The following ANKRD11 variants were observed in gnomAD, a reference collection of about 807,000 sequenced individuals.
ANKRD11 encodes ankyrin repeat domain-containing protein 11.
Under a neutral mutation model 195.7 loss-of-function variants are expected in ANKRD11, and 17 were observed. The observed-to-expected ratio is 0.09, with a 90% CI of 0.06 to 0.13. The LOEUF (loss-of-function observed/expected upper bound fraction) is 0.13. ANKRD11 is among the 10% of genes least tolerant of loss of function. The probability of loss-of-function intolerance (pLI) is 1.00; values close to 1 mark genes in which losing one functional copy is unlikely to be tolerated. For synonymous variants in ANKRD11, 1,953 were observed against 1,528.1 expected, an observed-to-expected ratio of 1.28 and a Z score of -6.49; for missense variants, 3,735 against 3,566.1, an observed-to-expected ratio of 1.05 and a Z score of -1.21.
intron 1 of ANKRD11, among the ~76,000 whole-genome samples, chr16:89,465,202 C>G (rs762903564): frequency 6.6e-6 from 1 of 152,088 alleles, no homozygotes; most frequent in Non-Finnish European, 1.5e-5. Context: ...TGGCCCTTGA[C>G]AGAAAAACTG....
At chr16:89,385,637 C>A (rs903530696) in intron 2 of ANKRD11, among the ~76,000 whole-genome samples, 1 of 152,242 alleles carries the variant, frequency 6.6e-6, no homozygotes, top group Non-Finnish European at 1.5e-5. Context: ...GATGCATTTC[C>A]ACATTTCACT....
At chr16:89,445,019 G>C (rs2043719924) in intron 1 of ANKRD11, among the ~76,000 whole-genome samples, 1 of 151,964 alleles carries the variant, frequency 6.6e-6, no homozygotes, top group South Asian at 2.1e-4. Context: ...GACCCGTTCA[G>C]CACCTGCCCT....
At position 89,281,875 on chromosome 16, in the gene ANKRD11, G is replaced by A. The variant is rs781186923; in HGVS notation, c.4667C>T (p.Ala1556Val). Residue 1556 changes from alanine to valine, a missense_variant, in exon 9 of 13, where the codon GCG (alanine) becomes GTG (valine). Ala to Val is a moderately conservative substitution (Grantham distance 64). Transcript: ENST00000301030. The surrounding 1 kb of genome is among the most constrained non-coding windows in gnomAD (Gnocchi z 5.5). ...VKMSNGNDKV[A>V]PSKDPGKKDA... ...TTTCTTGCCTGGGTCTTTGGATGGC[G>A]CTACCTTATCATTCCCGTTGCTCAT... 4.3e-6 allele frequency: 7 copies of A among 1,613,804 alleles called. No homozygotes were observed. The highest frequency in any genetic ancestry group is 4.2e-6 in the Non-Finnish European group (5 of 1,180,020).
chr16:89,411,845 T>A (rs2042121453), intron 2 of ANKRD11, among the ~76,000 whole-genome samples: 2 of 152,176 alleles, frequency 1.3e-5, no homozygotes, highest in East Asian at 1.9e-4. Flanking sequence ...ACTTGAGGAA[T>A]CCAATGGCCA....
At chr16:89,413,282 A>G (rs2042168510) in intron 2 of ANKRD11, among the ~76,000 whole-genome samples, 1 of 152,198 alleles carries the variant, frequency 6.6e-6, no homozygotes, top group Non-Finnish European at 1.5e-5. Flanking sequence ...TTTGATAATA[A>G]TGGAAGTATG....
At chr16:89,451,132 C>T (rs1354753391) in intron 1 of ANKRD11, among the ~76,000 whole-genome samples, 1 of 152,146 alleles carries the variant, frequency 6.6e-6, no homozygotes, top group African/African-American at 2.4e-5. Flanking sequence ...ACCACTTGGT[C>T]CTCTGTAGAA....
In ANKRD11 at chr16:89,280,325, G is replaced by C. The variant is rs1466198155; in HGVS notation, c.6217C>G (p.Pro2073Ala). 1.0e-5 allele frequency: 16 copies of C among 1,585,376 alleles called. No homozygotes were observed. The highest frequency in any genetic ancestry group is 1.4e-5 in the Non-Finnish European group (16 of 1,165,546). Residue 2073 changes from proline (P) to alanine (A), a missense_variant, in exon 9 of 13, where the codon CCG (proline) becomes GCG (alanine). By Grantham distance (27) the Pro-to-Ala change is conservative. Transcript: ENST00000301030. ...ESFFSNCKSLPEAPLDVAPEP... is the reference protein window; with the variant it reads ...ESFFSNCKSLAEAPLDVAPEP... The stretch of plus-strand genomic sequence containing the variant: ...GGGGCCACGTCCAGCGGGGCTTCCG[G>C]AAGTGACTTGCAGTTGCTGAAGAAG...
At chr16:89,407,181 G>A (rs1334154047) in intron 2 of ANKRD11, among the ~76,000 whole-genome samples, 3 of 151,156 alleles carry the variant, frequency 2.0e-5, no homozygotes, top group Non-Finnish European at 2.9e-5. Flanking sequence ...GCGAAACCCC[G>A]TCTCAAAAAG....
chr16:89,285,306 G>A lies in ANKRD11; in HGVS notation c.1236C>T (p.Asp412=), dbSNP rs147810511. 1.5e-5 allele frequency: 25 copies of A among 1,613,858 alleles called. No homozygotes were observed. The highest frequency in any genetic ancestry group is 8.8e-5 in the South Asian group (8 of 91,076). Residue 412 remains aspartate, a synonymous_variant, in exon 9 of 13, where the codon GAC becomes GAT. Transcript: ENST00000301030. The surrounding 1 kb of genome is among the most constrained non-coding windows in gnomAD (Gnocchi z 5.6). The part of the protein sequence containing the change: ...ASHRILSDTS[D]EEDASVTVGT... ...CCACGGTGACACTCGCGTCCTCCTC[G>A]TCCGACGTGTCTGACAGGATACGAT...
chr16:89,377,000 G>C (rs143502970), intron 2 of ANKRD11, among the ~76,000 whole-genome samples: 1 of 152,338 alleles, frequency 6.6e-6, no homozygotes, highest in East Asian at 1.9e-4. Flanking sequence ...AGGCTGGAAA[G>C]AACCCCTTTT....
intron 7 of ANKRD11, chr16:89,288,320 G>A (rs900124836): frequency 1.0e-5 from 8 of 778,206 alleles, no homozygotes; most frequent in African/African-American, 5.1e-5. Context: ...CACTTGCTGG[G>A]AAACCTGTGA....
intron 1 of ANKRD11, among the ~76,000 whole-genome samples, chr16:89,453,822 T>G (rs975520991): frequency 6.6e-6 from 1 of 152,092 alleles, no homozygotes; most frequent in Admixed American, 6.6e-5. Context: ...GAGACAGAAC[T>G]TGTGAATTCG....
intron 2 of ANKRD11, among the ~76,000 whole-genome samples, chr16:89,331,795 T>C (rs2038080058): frequency 6.6e-6 from 1 of 152,184 alleles, no homozygotes; most frequent in South Asian, 2.1e-4. Flanking sequence ...CTGTGTGCTA[T>C]TTTTATTTTC....
intron 6 of ANKRD11, among the ~76,000 whole-genome samples, chr16:89,290,003 C>A (rs2151791114): frequency 6.6e-6 from 1 of 152,372 alleles, no homozygotes; most frequent in African/African-American, 2.4e-5. Flanking sequence ...GCACTCCAGC[C>A]TGAGCAACAG....
intron 2 of ANKRD11, among the ~76,000 whole-genome samples, chr16:89,331,369 A>G (rs559644743): frequency 1.3e-5 from 2 of 152,350 alleles, no homozygotes; most frequent in African/African-American, 4.8e-5. Context: ...TGGACAGAAC[A>G]ACTCTATGGG....
rs147009716 is a variant in ANKRD11 at position 89,280,810 on chromosome 16, A to C, written c.5732T>G (p.Leu1911Arg). 3 of 1,605,476 alleles carry C rather than the reference A, an allele frequency of 1.9e-6. No individual in the cohort carries two copies. The highest frequency in any genetic ancestry group is 2.6e-6 in the Non-Finnish European group (3 of 1,173,536). Residue 1911 changes from leucine to arginine, a missense_variant, in exon 9 of 13, where the codon CTG (leucine) becomes CGG (arginine). Transcript: ENST00000301030. Reference protein sequence around the residue: ...PSLEGALPPDLDTSEDQQATA... With the variant: ...PSLEGALPPDRDTSEDQQATA... ...CGCCTGCTGGTCCTCGGAGGTGTCC[A>C]GGTCCGGGGGAAGGGCCCCTTCGAG... is the stretch of plus-strand genomic sequence containing the variant.
At chr16:89,424,968 T>C (rs1296644159) in intron 1 of ANKRD11, among the ~76,000 whole-genome samples, 1 of 152,092 alleles carries the variant, frequency 6.6e-6, no homozygotes, top group Non-Finnish European at 1.5e-5. Context: ...TGTGACGTTC[T>C]ATTAAGGCCA....
intron 1 of ANKRD11, among the ~76,000 whole-genome samples, chr16:89,424,619 C>T (rs2042644406): frequency 6.6e-6 from 1 of 151,998 alleles, no homozygotes; most frequent in South Asian, 2.1e-4. Context: ...TTACGCTGAG[C>T]AAAAAGGCCA....
chr16:89,368,263 T>G (rs147429831), intron 2 of ANKRD11, among the ~76,000 whole-genome samples: 225 of 151,132 alleles, frequency 1.5e-3, no homozygotes, highest in African/African-American at 5.2e-3. Context: ...TGGCACAATC[T>G]CGGCTCACTG....
Sources: allele counts gnomAD v4.1 joint callset (sites outside exome capture counted in the v4.1 genomes callset), GRCh38; gene constraint gnomAD v4.1.1; non-coding constraint Gnocchi (gnomAD v3.1); transcripts MANE v1.5; gene names NCBI Gene and HGNC (gene_info 2026-07-23, HGNC 2026-07-21).